The following DNAH12 variants were observed in gnomAD, a reference collection of about 807,000 sequenced individuals.
DNAH12 encodes axonemal beta dynein heavy chain 12.
DNAH12 carries 285 observed loss-of-function variants against 371.5 expected under a neutral mutation model. The ratio of observed to expected loss-of-function variants is 0.77; its 90% CI spans 0.70 to 0.85. The LOEUF (loss-of-function observed/expected upper bound fraction) is 0.85. DNAH12 is among the 40% of genes least tolerant of loss of function. The pLI, the probability that DNAH12 is intolerant of heterozygous loss-of-function variation, is 0.00. For missense variants in DNAH12, 3,611 were observed against 3,689.4 expected (o/e 0.98, Z 0.55); for synonymous variants, 1,200 against 1,213.0 (o/e 0.99, Z 0.22).
chr3:57,488,414 G>A (rs763412867), intron 12 of DNAH12, among the ~76,000 whole-genome samples: 12 of 151,926 alleles, frequency 7.9e-5, no homozygotes, highest in African/African-American at 1.5e-4. Context: ...GGCTGGTCTC[G>A]AACTCCTGAC....
Position 57,323,118 on chromosome 3 carries a change from G to A in DNAH12, c.10272C>T (p.Cys3424=), listed in dbSNP as rs1321019366. 6.4e-7 allele frequency: 1 copy of A among 1,552,368 alleles called. No homozygotes were observed. The highest frequency in any genetic ancestry group is 8.7e-7 in the Non-Finnish European group (1 of 1,147,132). ...TGGGCATCCAGGACACTGCAAGATG[G>A]CAATTCTGTAGGCACACCCAAGTTC... ...EEGTWVCLQN[C]HLAVSWMPML... The change falls in exon 64 of 74, where the codon TGC becomes TGT. Residue 3424 remains cysteine (C), a synonymous_variant. Coordinates refer to ENST00000495027, the MANE Select transcript of DNAH12 (RefSeq NM_001366028.2).
upstream of DNAH12, among the ~76,000 whole-genome samples, chr3:57,545,515 A>G (rs1444555336): frequency 2.0e-5 from 3 of 151,538 alleles, no homozygotes; most frequent in East Asian, 3.9e-4. Flanking sequence ...TTTAATGTCA[A>G]TTTGTTAGGG....
chr3:57,446,607 G>GC lies in DNAH12; in HGVS notation c.3868dup (p.Ala1290GlyfsTer2). On this transcript the variant is annotated frameshift_variant, in exon 26 of 74. Coordinates refer to ENST00000495027, the MANE Select transcript of DNAH12 (RefSeq NM_001366028.2). LOFTEE classifies it high-confidence loss of function. ...CACACACTGTACAGCAAGAGCTTTA[G>GC]CCAAGTCCTTGGTGGTTTCGGTTTT... The GC allele has an allele frequency of 6.4e-7, 1 of 1,550,536 alleles. No individual in the cohort carries two copies. The highest frequency in any genetic ancestry group is 2.4e-5 in the East Asian group (1 of 40,900).
At chr3:57,498,566 C>T (rs1166736868) in intron 11 of DNAH12, 20 of 716,718 alleles carry the variant, frequency 2.8e-5, no homozygotes, top group Admixed American at 6.0e-5. Flanking sequence ...AGCATATGTC[C>T]GCACAAAGAC....
rs747832707 is a variant in DNAH12, at chr3:57,309,750, G to A, written c.11001C>T (p.Leu3667=). 1.3e-6 allele frequency: 2 copies of A among 1,551,400 alleles called. No homozygotes were observed. The highest frequency in any genetic ancestry group is 2.4e-5 in the East Asian group (1 of 40,910). The part of the protein sequence containing the change: ...QTKTLFESLL[L]TQGGSKQTGA... The stretch of plus-strand genomic sequence containing the variant: ...CTGTCTGTTTGGAGCCTCCCTGGGT[G>A]AGGAGCAAGGACTCAAAGAGGGTTT... The change falls in exon 68 of 74, where the codon CTC becomes CTT. Residue 3667 remains leucine (L), a synonymous_variant. Coordinates refer to ENST00000495027, the MANE Select transcript of DNAH12 (RefSeq NM_001366028.2).
chr3:57,300,019 A>G (rs568292477), intron 70 of DNAH12, among the ~76,000 whole-genome samples: 2 of 152,246 alleles, frequency 1.3e-5, no homozygotes, highest in East Asian at 3.9e-4. Context: ...GTTTCCAAAT[A>G]CCTTGCTGTG....
At chr3:57,315,906 G>A (rs926630836) in intron 65 of DNAH12, among the ~76,000 whole-genome samples, 1 of 152,262 alleles carries the variant, frequency 6.6e-6, no homozygotes, top group South Asian at 2.1e-4. Flanking sequence ...AAAGAAAACA[G>A]AAAGATGCAT....
intron 16 of DNAH12, among the ~76,000 whole-genome samples, chr3:57,469,979 A>G (rs1375156979): frequency 6.6e-6 from 1 of 152,194 alleles, no homozygotes; most frequent in African/African-American, 2.4e-5. Context: ...CCGAATCTAA[A>G]ATAAAAGTTG....
intron 25 of DNAH12, among the ~76,000 whole-genome samples, chr3:57,448,513 C>T (rs1326341910): frequency 1.4e-5 from 2 of 146,506 alleles, no homozygotes; most frequent in African/African-American, 4.9e-5. Context: ...TAGGTCTTCG[C>T]AGTGAGTGTG....
rs908338153 is a variant in DNAH12, at chr3:57,483,448, C to T, written c.1578G>A (p.Glu526=). Residue 526 remains glutamate, a synonymous_variant, in exon 13 of 74, where the codon GAG becomes GAA. Coordinates refer to ENST00000495027, the MANE Select transcript of DNAH12 (RefSeq NM_001366028.2). ...HALKVPETTE[E]MMDLISYVEK... ...CTACATAAGATATCAGATCCATCAT[C>T]TCTTCTGTTGTTTCAGGGACTTTTA... The T allele has an allele frequency of 1.3e-6, 2 of 1,551,350 alleles. No individual in the cohort carries two copies. The highest frequency in any genetic ancestry group is 2.7e-5 in the African/African-American group (2 of 73,020).
Position 57,529,371 on chromosome 3 carries a change from G to A in DNAH12, c.171-5487C>T, listed in dbSNP as rs989808699. On this transcript the variant is annotated intron_variant, in intron 2 of 73. Transcript: ENST00000495027. ...CAGCAGTGAAGCCATAAGGGCCTGG[G>A]CTTTTTTTGCTGGAAGACGTTTTAT... Among the ~76,000 whole-genome samples, 149 of 152,054 alleles carry A rather than the reference G, an allele frequency of 9.8e-4. 3 individuals carry two copies.
At chr3:57,323,308 A>T in intron 63 of DNAH12, 48 bp from the exon 64 acceptor site, 2 of 1,524,144 alleles carry the variant, frequency 1.3e-6, no homozygotes, top group Non-Finnish European at 1.8e-6. Flanking sequence ...CTAAAATTAT[A>T]AAAAAGTGCC....
intron 62 of DNAH12, among the ~76,000 whole-genome samples, chr3:57,330,075 G>A (rs1348709720): frequency 6.6e-6 from 1 of 151,872 alleles, no homozygotes; most frequent in Admixed American, 6.6e-5. Flanking sequence ...AGGTGCTGGA[G>A]AGGATGTGGA....
intron 2 of DNAH12, among the ~76,000 whole-genome samples, chr3:57,525,426 C>G (rs2068611179): frequency 6.6e-6 from 1 of 151,988 alleles, no homozygotes; most frequent in Admixed American, 6.6e-5. Context: ...CAAGCTGTAC[C>G]CATGGTACTC....
intron 14 of DNAH12, 109 bp from the exon 15 acceptor site, chr3:57,471,715 G>A (rs1275459939): frequency 1.4e-5 from 13 of 919,496 alleles, no homozygotes; most frequent in Middle Eastern, 6.7e-4. Context: ...AAGTAAAAAT[G>A]AGTACAAAAA....
intron 32 of DNAH12, among the ~76,000 whole-genome samples, chr3:57,432,484 G>T (rs1342274796): frequency 6.7e-6 from 1 of 149,182 alleles, no homozygotes; most frequent in African/African-American, 2.5e-5. Context: ...CCGGCCTTGA[G>T]TGTATCTTTA....
rs771112538 is a variant in DNAH12 at position 57,499,673 on chromosome 3, T to TATATATATATATATACACACAC, written c.1335+1647_1335+1648insGTGTGTGTATATATATATATAT. ...ATATATATATATATATATATATATA[T>TATATATATATATATACACACAC]ATACTTCTTAAAAAAATTAGCCAGG... On this transcript the variant is annotated intron_variant, in intron 11 of 73. Transcript: ENST00000495027. Among the ~76,000 whole-genome samples the TATATATATATATATACACACAC allele has an allele frequency of 1.1e-3, 47 of 44,414 alleles. 2 individuals carry two copies. The highest frequency in any genetic ancestry group is 2.4e-3 in the South Asian group (2 of 820). The allele number at this position is 44,414 out of a possible 152,430, so 29.1% of individuals were successfully genotyped here.
intron 59 of DNAH12, among the ~76,000 whole-genome samples, chr3:57,354,589 A>G (rs1188333075): frequency 6.6e-6 from 1 of 151,890 alleles, no homozygotes; most frequent in Non-Finnish European, 1.5e-5. Flanking sequence ...AACAGCTGCT[A>G]CATAACCCAG....
In DNAH12 at chr3:57,322,406, T is replaced by A. The variant is rs542302511; in HGVS notation, c.10461A>T (p.Gln3487His). Residue 3487 changes from glutamine to histidine, a missense_variant, in exon 65 of 74, where the codon CAA becomes CAT. Physicochemically the swap from Gln to His is conservative, Grantham distance 24. Coordinates refer to ENST00000495027, the MANE Select transcript of DNAH12 (RefSeq NM_001366028.2). ...CAGAAACTGGATCAGTGAGATATGATTGAAGGAGATTCAGCCGAAGACCCG... is the reference window on the plus strand; with the variant it reads ...CAGAAACTGGATCAGTGAGATATGAATGAAGGAGATTCAGCCGAAGACCCG... Reference protein sequence around the residue: ...PPTGLRLNLLQSYLTDPVSDP... With the variant: ...PPTGLRLNLLHSYLTDPVSDP... 1.3e-6 allele frequency: 2 copies of A among 1,552,014 alleles called. No individual in the cohort carries two copies. Among genetic ancestry groups the A allele is most frequent in the African/African-American group, 2.7e-5 (2 of 73,008 alleles).
Sources: gnomAD v4.1 joint callset for allele counts (sites outside exome capture counted in the v4.1 genomes callset) on GRCh38, gnomAD v4.1.1 for gene constraint, MANE v1.5 for transcripts, NCBI Gene and HGNC (gene_info 2026-07-23, HGNC 2026-07-21) for gene names.